The following PARD3 variants were observed in gnomAD, a reference collection of about 807,000 sequenced individuals.
The protein encoded by PARD3 is par-3 family cell polarity regulator, also known as partitioning defective 3 homolog.
PARD3 carries 75 observed loss-of-function variants against 155.4 expected under a neutral mutation model. That is an observed-to-expected ratio of 0.48 (90% CI 0.40 to 0.58). The LOEUF (loss-of-function observed/expected upper bound fraction) is 0.58, where lower values mean the gene tolerates loss of function less well. PARD3 is among the 20% of genes least tolerant of loss of function. The pLI, the probability that PARD3 is intolerant of heterozygous loss-of-function variation, is 0.00. For synonymous variants in PARD3, 576 were observed against 610.5 expected (o/e 0.94, Z 0.83); for missense variants, 1,642 against 1,721.7 (o/e 0.95, Z 0.82).
intron 3 of PARD3, among the ~76,000 whole-genome samples, chr10:34,506,508 T>C (rs1038183759): frequency 6.6e-6 from 1 of 152,116 alleles, no homozygotes; most frequent in African/African-American, 2.4e-5. Context: ...TCAATTTTCA[T>C]GAGCCCAATG....
At chr10:34,386,816 C>CAA (rs1842394697) in intron 7 of PARD3, among the ~76,000 whole-genome samples, 1 of 132,828 alleles carries the variant, frequency 7.5e-6, no homozygotes, top group African/African-American at 2.8e-5. Flanking sequence ...AAAACTCCGT[C>CAA]CAAAAAAAAA....
intron 2 of PARD3, among the ~76,000 whole-genome samples, chr10:34,522,003 A>G (rs1041935539): frequency 1.3e-4 from 20 of 152,182 alleles, no homozygotes; most frequent in African/African-American, 4.8e-4. Flanking sequence ...TTGTGGGTAG[A>G]CAGAATAATG....
chr10:34,225,979 AAAAAT>A (rs1428879310), intron 22 of PARD3, among the ~76,000 whole-genome samples: 1 of 152,214 alleles, frequency 6.6e-6, no homozygotes, highest in Non-Finnish European at 1.5e-5. Context: ...TGGGCATTAA[AAAAAT>A]AAAAAATACA....
At chr10:34,269,235 TA>T (rs890511684) in intron 22 of PARD3, among the ~76,000 whole-genome samples, 7 of 151,270 alleles carry the variant, frequency 4.6e-5, no homozygotes, top group African/African-American at 9.7e-5. Context: ...TTATGCTGCC[TA>T]AAAAAAAAGT....
chr10:34,384,843 A>G (rs988969872), intron 7 of PARD3, among the ~76,000 whole-genome samples: 4 of 152,202 alleles, frequency 2.6e-5, no homozygotes, highest in African/African-American at 9.7e-5. Context: ...TAAGTCATTT[A>G]TTGTCAATAT....
Position 34,317,189 on chromosome 10 carries a change from C to G in PARD3, c.2983G>C (p.Glu995Gln). The G allele has an allele frequency of 6.2e-7, 1 of 1,612,206 alleles. No homozygotes were observed. The highest frequency in any genetic ancestry group is 8.5e-7 in the Non-Finnish European group (1 of 1,179,142). ...TCCTTATCTCTATCTTTCTTCTTTT[C>G]TTTTCCAGTTTTATCCTTTTTTCTA... ...TDRKKDKTGKEKKKDRDKEKD... is the reference protein window; with the variant it reads ...TDRKKDKTGKQKKKDRDKEKD... The change falls in exon 20 of 25, where the codon GAA becomes CAA. Residue 995 changes from glutamate (E) to glutamine (Q), a missense_variant. Glu to Gln is a conservative substitution (Grantham distance 29). This residue lies in a region of PARD3 where 1,529 missense variants were observed against 1,587.3 expected (regional missense o/e 0.96). Coordinates refer to ENST00000374788, the MANE Select transcript of PARD3 (RefSeq NM_001184785.2).
At chr10:34,309,660 G>A (rs748702260) in intron 20 of PARD3, among the ~76,000 whole-genome samples, 25 of 151,440 alleles carry the variant, frequency 1.7e-4, no homozygotes, top group Non-Finnish European at 3.2e-4. Flanking sequence ...CCTGCAAGAG[G>A]GAAGAGAGGA....
chr10:34,217,562 C>T (rs933883587), intron 22 of PARD3, among the ~76,000 whole-genome samples: 10 of 152,062 alleles, frequency 6.6e-5, no homozygotes, highest in African/African-American at 1.9e-4. Flanking sequence ...AAGTGCCACA[C>T]CTTGGAGCAG....
chr10:34,227,256 A>C (rs1952646515), intron 22 of PARD3, among the ~76,000 whole-genome samples: 1 of 152,218 alleles, frequency 6.6e-6, no homozygotes, highest in Non-Finnish European at 1.5e-5. Flanking sequence ...CAAGTATATG[A>C]AAAAATGCTC....
chr10:34,617,043 C>T (rs1309390568), intron 2 of PARD3, among the ~76,000 whole-genome samples: 3 of 151,792 alleles, frequency 2.0e-5, no homozygotes, highest in Non-Finnish European at 4.4e-5. Context: ...CTCTTGAGGT[C>T]AGGAGTTCAA....
chr10:34,539,828 A>AGGCCAGGGCG (rs1401988822), intron 2 of PARD3, among the ~76,000 whole-genome samples: 1 of 152,222 alleles, frequency 6.6e-6, no homozygotes, highest in Admixed American at 6.5e-5. Flanking sequence ...TTCCTGAAAT[A>AGGCCAGGGCG]GGCCAGGGCG....
At chr10:34,495,241 T>C (rs2133364478) in intron 3 of PARD3, among the ~76,000 whole-genome samples, 1 of 151,918 alleles carries the variant, frequency 6.6e-6, no homozygotes, top group Non-Finnish European at 1.5e-5. Context: ...GGCATCCTAC[T>C]GCAGACAAGC....
intron 1 of PARD3, among the ~76,000 whole-genome samples, chr10:34,790,468 C>G (rs1176581492): frequency 6.6e-6 from 1 of 152,192 alleles, no homozygotes; most frequent in African/African-American, 2.4e-5. Context: ...CCTGATAAGG[C>G]TAGCAAGCCC....
rs74134411 is a variant in PARD3, at chr10:34,764,239, T to C, written c.120+50637A>G. Among the ~76,000 whole-genome samples the C allele has an allele frequency of 7.8e-3, 1,190 of 152,332 alleles. 16 individuals are homozygous for C. The highest frequency in any genetic ancestry group is 0.028 in the African/African-American group (1,144 of 41,568). On this transcript the variant is annotated intron_variant, in intron 1 of 24. Transcript: ENST00000374788. ...CTTAAGGAAAATGGGCAACCTAGGA[T>C]TTCTTTGAAACTTCTGAAGGAAGGC... is the stretch of plus-strand genomic sequence containing the variant.
At chr10:34,281,413 C>T (rs996431345) in intron 21 of PARD3, among the ~76,000 whole-genome samples, 5 of 152,140 alleles carry the variant, frequency 3.3e-5, no homozygotes, top group African/African-American at 4.8e-5. Flanking sequence ...CTTGGTATCA[C>T]GCCCAGACTC....
chr10:34,560,108 T>C (rs1590016838), intron 2 of PARD3, among the ~76,000 whole-genome samples: 1 of 152,344 alleles, frequency 6.6e-6, no homozygotes, highest in East Asian at 1.9e-4. Flanking sequence ...GGTAAATCTT[T>C]GGCTTCCGAG....
At chr10:34,668,058 G>A (rs1290969084) in intron 2 of PARD3, among the ~76,000 whole-genome samples, 2 of 152,112 alleles carry the variant, frequency 1.3e-5, no homozygotes, top group East Asian at 3.9e-4. Flanking sequence ...CAAGCGGCCT[G>A]AAATGGTCAA....
At chr10:34,470,709 A>G (rs2078294183) in intron 3 of PARD3, among the ~76,000 whole-genome samples, 1 of 152,246 alleles carries the variant, frequency 6.6e-6, no homozygotes, top group South Asian at 2.1e-4. Flanking sequence ...CATTACCCCA[A>G]TATTTCTAAA....
intron 5 of PARD3, among the ~76,000 whole-genome samples, chr10:34,438,681 C>T (rs904404973): frequency 6.6e-6 from 1 of 151,776 alleles, no homozygotes; most frequent in Non-Finnish European, 1.5e-5. Flanking sequence ...AATGCCTGGG[C>T]CATTTTAGGA....
Sources: gnomAD v4.1 joint callset for allele counts (sites outside exome capture counted in the v4.1 genomes callset) on GRCh38, gnomAD v4.1.1 for gene constraint, gnomAD v4.1.1 regional missense constraint, MANE v1.5 for transcripts, NCBI Gene and HGNC (gene_info 2026-07-23, HGNC 2026-07-21) for gene names.